The following ADAMTS16 variants were observed in gnomAD, a reference collection of about 807,000 sequenced individuals.
ADAMTS16 encodes the protein ADAM metallopeptidase with thrombospondin type 1 motif 16, also known as A disintegrin and metalloproteinase with thrombospondin motifs 16.
ADAMTS16 carries 94 observed loss-of-function variants against 145.8 expected under a neutral mutation model. The observed-to-expected ratio is 0.64, with a 90% CI of 0.55 to 0.77. ADAMTS16 has a LOEUF of 0.77. ADAMTS16 is among the 30% of genes least tolerant of loss of function. The pLI, the probability that ADAMTS16 is intolerant of heterozygous loss-of-function variation, is 0.00. For synonymous variants in ADAMTS16, 659 were observed against 604.3 expected (o/e 1.09, Z -1.33); for missense variants, 1,585 against 1,591.5 (o/e 1.00, Z 0.07).
intron 17 of ADAMTS16, among the ~76,000 whole-genome samples, chr5:5,253,926 T>A (rs1737705195): frequency 6.6e-6 from 1 of 152,226 alleles, no homozygotes; most frequent in Admixed American, 6.5e-5. Flanking sequence ...GAGTGATGGT[T>A]TATCGAATGC....
intron 18 of ADAMTS16, among the ~76,000 whole-genome samples, chr5:5,263,643 T>G (rs1270075734): frequency 6.6e-6 from 1 of 152,176 alleles, no homozygotes; most frequent in Admixed American, 6.5e-5. Context: ...ACCAGGCGTG[T>G]TGCCTGGAGG....
chr5:5,256,291 A>C (rs1010637799), intron 17 of ADAMTS16, among the ~76,000 whole-genome samples: 1 of 152,212 alleles, frequency 6.6e-6, no homozygotes, highest in Non-Finnish European at 1.5e-5. Context: ...AAGTCTTGCA[A>C]TATGCACTGC....
chr5:5,163,015 C>T (rs1560929442), intron 3 of ADAMTS16, among the ~76,000 whole-genome samples: 1 of 152,060 alleles, frequency 6.6e-6, no homozygotes, highest in Non-Finnish European at 1.5e-5. Context: ...CAAAAATGCT[C>T]GTGGAGAATT....
intron 6 of ADAMTS16, 91 bp downstream of exon 6, chr5:5,187,899 G>A: frequency 1.2e-6 from 1 of 858,356 alleles, no homozygotes. Context: ...TGTTCTATGG[G>A]TTCTTCTCTC....
chr5:5,205,223 C>G (rs12188811), intron 9 of ADAMTS16, among the ~76,000 whole-genome samples: 21,113 of 151,064 alleles, frequency 0.14, 1,628 homozygotes, highest in Non-Finnish European at 0.17. Flanking sequence ...TTTAATGGTG[C>G]CTTTTGCTAA....
intron 17 of ADAMTS16, among the ~76,000 whole-genome samples, chr5:5,245,130 C>T (rs1005607397): frequency 1.1e-4 from 16 of 152,082 alleles, no homozygotes; most frequent in African/African-American, 3.1e-4. Flanking sequence ...TGATGCTATC[C>T]GATGACATAG....
intron 9 of ADAMTS16, among the ~76,000 whole-genome samples, chr5:5,208,289 T>C (rs899141527): frequency 2.0e-5 from 3 of 152,230 alleles, no homozygotes; most frequent in Admixed American, 6.5e-5. Flanking sequence ...CTGCCATTGC[T>C]CATTGTATTG....
intron 3 of ADAMTS16, among the ~76,000 whole-genome samples, chr5:5,160,506 C>T (rs1400474207): frequency 3.3e-5 from 5 of 152,102 alleles, no homozygotes; most frequent in African/African-American, 1.2e-4. Flanking sequence ...AGAACCAGAG[C>T]TACTTCGTTT....
chr5:5,205,163 A>T (rs1736062907), intron 9 of ADAMTS16, among the ~76,000 whole-genome samples: 1 of 152,104 alleles, frequency 6.6e-6, no homozygotes, highest in African/African-American at 2.4e-5. Flanking sequence ...CCATTCTGGA[A>T]TATACGTATT....
At chr5:5,260,987 G>A (rs965750432) in intron 17 of ADAMTS16, among the ~76,000 whole-genome samples, 3 of 152,142 alleles carry the variant, frequency 2.0e-5, no homozygotes, top group Admixed American at 6.5e-5. Context: ...TACACGGCTT[G>A]GGCTGCAGAG....
chr5:5,306,114 C>A (rs1346474059), intron 20 of ADAMTS16, among the ~76,000 whole-genome samples: 4 of 152,216 alleles, frequency 2.6e-5, no homozygotes, highest in African/African-American at 9.6e-5. Flanking sequence ...GCTTTAGGGG[C>A]CAACATCACT....
intron 21 of ADAMTS16, among the ~76,000 whole-genome samples, chr5:5,308,855 CAG>C (rs1740298480): frequency 1.3e-5 from 2 of 150,340 alleles, no homozygotes; most frequent in African/African-American, 4.9e-5. Context: ...GAGGCTGAAA[CAG>C]GAGAATTGCT....
intron 21 of ADAMTS16, among the ~76,000 whole-genome samples, chr5:5,312,583 G>A (rs1740503970): frequency 6.6e-6 from 1 of 151,968 alleles, no homozygotes; most frequent in Non-Finnish European, 1.5e-5. Context: ...AAATAGCTGG[G>A]ATTACAGGTG....
intron 17 of ADAMTS16, among the ~76,000 whole-genome samples, chr5:5,255,032 G>A (rs1426542574): frequency 6.6e-6 from 1 of 152,046 alleles, no homozygotes; most frequent in African/African-American, 2.4e-5. Flanking sequence ...ATTATGTATG[G>A]TAATTGGACT....
At position 5,160,562 on chromosome 5, in the gene ADAMTS16, C is replaced by T. The variant is rs537408004; in HGVS notation, c.501+14107C>T. 3.3e-5 allele frequency among the ~76,000 whole-genome samples: 5 copies of T among 152,166 alleles called. No individual in the cohort carries two copies. The East Asian group carries it at 7.7e-4, about 24-fold the overall frequency. ...TCTATGCCCACGTATTTGAAATAGA[C>T]CCAAGTCTAAAGTCTTGAAATACCT... On this transcript the variant is annotated intron_variant, in intron 3 of 22. Transcript: ENST00000274181.
intron 12 of ADAMTS16, among the ~76,000 whole-genome samples, chr5:5,233,138 GA>G (rs1455413962): frequency 2.6e-5 from 4 of 152,080 alleles, no homozygotes; most frequent in African/African-American, 9.7e-5. Flanking sequence ...TAAATCATAA[GA>G]AAAGTGTATA....
intron 3 of ADAMTS16, among the ~76,000 whole-genome samples, chr5:5,167,557 C>G (rs1005196013): frequency 6.6e-6 from 1 of 152,160 alleles, no homozygotes; most frequent in Non-Finnish European, 1.5e-5. Flanking sequence ...TCTAGGTTGG[C>G]GTGTTCTAAA....
intron 3 of ADAMTS16, among the ~76,000 whole-genome samples, chr5:5,155,082 G>A (rs1734567861): frequency 6.6e-6 from 1 of 152,202 alleles, no homozygotes; most frequent in Admixed American, 6.5e-5. Flanking sequence ...GCTCTTGAAG[G>A]CAGGATCTTG....
chr5:5,263,047 A>C (rs1738090326), intron 18 of ADAMTS16, among the ~76,000 whole-genome samples: 1 of 152,206 alleles, frequency 6.6e-6, no homozygotes, highest in Non-Finnish European at 1.5e-5. Context: ...AATTGGTTGC[A>C]GGCTGGCAGG....
Sources: gnomAD v4.1 joint callset for allele counts (sites outside exome capture counted in the v4.1 genomes callset) on GRCh38, gnomAD v4.1.1 for gene constraint, MANE v1.5 for transcripts, NCBI Gene and HGNC (gene_info 2026-07-23, HGNC 2026-07-21) for gene names.